The following ZNF215 variants were observed in gnomAD, a reference collection of about 807,000 sequenced individuals.
ZNF215 encodes the protein zinc finger protein 215, also known as BWSCR2-associated zinc finger protein 2.
A neutral mutation model predicts 27.2 loss-of-function variants in ZNF215; 24 were observed. The observed-to-expected ratio is 0.88, with a 90% CI of 0.64 to 1.24. The LOEUF (loss-of-function observed/expected upper bound fraction) is 1.24. Ranked by LOEUF, ZNF215 falls within the 50% of genes most tolerant of loss-of-function variation. ZNF215 has a pLI of 0.00. For synonymous variants in ZNF215, 210 were observed against 204.0 expected, an observed-to-expected ratio of 1.03 and a Z score of -0.25; for missense variants, 675 against 605.7, an observed-to-expected ratio of 1.11 and a Z score of -1.20.
intron 5 of ZNF215, among the ~76,000 whole-genome samples, chr11:6,971,718 A>G (rs1217980887): frequency 6.6e-6 from 1 of 152,158 alleles, no homozygotes; most frequent in Non-Finnish European, 1.5e-5. Flanking sequence ...TTAGGAAGAA[A>G]TATATGGAAT....
At chr11:6,964,329 T>G (rs1466666791) in intron 5 of ZNF215, among the ~76,000 whole-genome samples, 2 of 152,068 alleles carry the variant, frequency 1.3e-5, no homozygotes, top group Non-Finnish European at 2.9e-5. Context: ...TCTCATTGAT[T>G]GTGCTTTCAC....
chr11:6,952,670 G>A (rs1199414585), intron 6 of ZNF215, among the ~76,000 whole-genome samples: 1 of 151,882 alleles, frequency 6.6e-6, no homozygotes, highest in African/African-American at 2.4e-5. Context: ...CACACTGATG[G>A]GTCTTGACTC....
rs546011244 is a variant in ZNF215 at position 6,955,773 on chromosome 11, G to A, written c.796G>A (p.Ala266Thr). 9.6e-5 allele frequency: 155 copies of A among 1,612,324 alleles called. 1 individual carries two copies. In the East Asian group the frequency reaches 2.9e-3, roughly 30 times the overall value. The change falls in exon 7 of 7, where the codon GCC (alanine) becomes ACC (threonine). Residue 266 changes from alanine to threonine, a missense_variant. Ala to Thr is a moderately conservative substitution (Grantham distance 58). Transcript: ENST00000278319. Reference protein sequence around the residue: ...LTESGHPSSDAWKGENWLYRN... With the variant: ...LTESGHPSSDTWKGENWLYRN... Reference sequence around the variant, plus strand: ...CGAAAGTGGACACCCTTCTTCAGATGCCTGGAAAGGTGAGAATTGGTTATA... The same window carrying A: ...CGAAAGTGGACACCCTTCTTCAGATACCTGGAAAGGTGAGAATTGGTTATA...
chr11:6,930,176 C>T (rs1849203567), intron 2 of ZNF215, among the ~76,000 whole-genome samples: 1 of 151,536 alleles, frequency 6.6e-6, no homozygotes, highest in Admixed American at 6.6e-5. Flanking sequence ...TTGCATGAGC[C>T]TCAGTCCTAG....
In ZNF215 at chr11:6,956,389, T is replaced by G. The variant is rs1850356683; in HGVS notation, c.1412T>G (p.Phe471Cys). The change falls in exon 7 of 7, where the codon TTC (phenylalanine) becomes TGC (cysteine). Residue 471 changes from phenylalanine (F) to cysteine (C), a missense_variant. Transcript: ENST00000278319. ...CAATGTGTTAACTGTGGAAAATCCT[T>G]CAACCGGAGCTCCTCTCTTATTCGA... is the stretch of plus-strand genomic sequence containing the variant. ...FYQCVNCGKS[F>C]NRSSSLIRHQ... The G allele has an allele frequency of 6.2e-7, 1 of 1,614,164 alleles. No individual in the cohort carries two copies. The highest frequency in any genetic ancestry group is 1.3e-5 in the African/African-American group (1 of 75,056).
Position 6,957,035 on chromosome 11 carries a change from C to T in ZNF215, c.*504C>T. On this transcript the variant is annotated 3_prime_UTR_variant, in exon 7 of 7. Transcript: ENST00000278319. The stretch of plus-strand genomic sequence containing the variant: ...TCAATGGCTAAGACAACAGTAACAG[C>T]CATTTACTCCACTCCTGACAATACC... The T allele has an allele frequency of 1.0e-6, 1 of 986,574 alleles. No homozygotes were observed. Among genetic ancestry groups the T allele is most frequent in the Non-Finnish European group, 1.2e-6 (1 of 830,752 alleles). 61.1% of individuals were successfully genotyped at this position (986,574 alleles called of 1,614,324 possible).
At chr11:6,942,776 A>AT (rs1331529855) in intron 4 of ZNF215, among the ~76,000 whole-genome samples, 3 of 152,110 alleles carry the variant, frequency 2.0e-5, no homozygotes, top group Admixed American at 6.5e-5. Context: ...AGGCATAGTA[A>AT]TTTTTTGTTC....
At chr11:6,973,976 A>G (rs560775971) in intron 5 of ZNF215, among the ~76,000 whole-genome samples, 6 of 152,238 alleles carry the variant, frequency 3.9e-5, no homozygotes, top group South Asian at 2.1e-4. Context: ...GCCCATTTCT[A>G]TGTACTGAAT....
chr11:6,957,330 T>A lies in ZNF215; in HGVS notation c.*799T>A. 3.7e-6 allele frequency: 1 copy of A among 273,828 alleles called. No homozygotes were observed. Among genetic ancestry groups the A allele is most frequent in the Non-Finnish European group, 5.6e-6 (1 of 179,596 alleles). 17.0% of individuals were successfully genotyped at this position (273,828 alleles called of 1,614,324 possible). A position where few individuals can be genotyped will look rare whatever the true frequency, so the allele number is the denominator to read the frequency against. On this transcript the variant is annotated 3_prime_UTR_variant, in exon 7 of 7. Transcript: ENST00000278319. Reference sequence around the variant, plus strand: ...GCTCCAGTTTCAAACCCCAAAGATGTATACATTAGGTTAATTGACATATCT... The same window carrying A: ...GCTCCAGTTTCAAACCCCAAAGATGAATACATTAGGTTAATTGACATATCT...
At chr11:6,938,965 A>C (rs1159437575) in intron 3 of ZNF215, among the ~76,000 whole-genome samples, 1 of 152,190 alleles carries the variant, frequency 6.6e-6, no homozygotes, top group African/African-American at 2.4e-5. Context: ...CACTAGAGCC[A>C]CGATAGAATG....
intron 3 of ZNF215, among the ~76,000 whole-genome samples, chr11:6,939,042 C>A (rs776973271): frequency 6.6e-6 from 1 of 151,902 alleles, no homozygotes; most frequent in Non-Finnish European, 1.5e-5. Context: ...ATACAAAAAG[C>A]AAGGAAGTAA....
intron 3 of ZNF215, among the ~76,000 whole-genome samples, chr11:6,933,080 G>C (rs1421853795): frequency 6.6e-6 from 1 of 152,190 alleles, no homozygotes; most frequent in Admixed American, 6.5e-5. Context: ...TAAAATATTT[G>C]TTATCTGCCC....
chr11:6,951,846 T>C (rs1564959960), intron 6 of ZNF215, among the ~76,000 whole-genome samples: 1 of 152,186 alleles, frequency 6.6e-6, no homozygotes, highest in Admixed American at 6.5e-5. Flanking sequence ...TTTTGGATCT[T>C]TCCTGCTTTC....
intron 6 of ZNF215, among the ~76,000 whole-genome samples, chr11:6,948,307 G>A (rs1327941106): frequency 6.6e-6 from 1 of 152,184 alleles, no homozygotes; most frequent in African/African-American, 2.4e-5. Context: ...ATTAGGTCCA[G>A]GTTTAGAAGA....
chr11:6,928,935 T>C (rs1456932560), intron 2 of ZNF215, among the ~76,000 whole-genome samples: 2 of 152,100 alleles, frequency 1.3e-5, no homozygotes, highest in Non-Finnish European at 2.9e-5. Context: ...TCTGTTGTAT[T>C]GACGGTGGGC....
downstream of ZNF215, among the ~76,000 whole-genome samples, chr11:6,991,313 G>A (rs1851114250): frequency 6.6e-6 from 1 of 152,156 alleles, no homozygotes; most frequent in Non-Finnish European, 1.5e-5. Flanking sequence ...TTCCCTCCAG[G>A]ATGTCCAGCA....
At chr11:6,976,065 G>A (rs967300577) in intron 5 of ZNF215, among the ~76,000 whole-genome samples, 10 of 152,020 alleles carry the variant, frequency 6.6e-5, no homozygotes, top group Non-Finnish European at 1.5e-5. Context: ...ATATGTCATT[G>A]TAGTTTTGAT....
chr11:6,927,182 T>C (rs1849082976), intron 1 of ZNF215, among the ~76,000 whole-genome samples: 1 of 152,184 alleles, frequency 6.6e-6, no homozygotes, highest in Non-Finnish European at 1.5e-5. Flanking sequence ...ACAATGGAGT[T>C]TTAATTAATT....
In ZNF215 at chr11:6,926,490, G is replaced by A. The variant is rs998531116; in HGVS notation, c.-521G>A. 2.0e-5 allele frequency: 3 copies of A among 152,434 alleles called. No homozygotes were observed. Among genetic ancestry groups the A allele is most frequent in the African/African-American group, 7.2e-5 (3 of 41,472 alleles). The allele number at this position is 152,434 out of a possible 1,614,324, so 9.4% of individuals were successfully genotyped here. ...CGATCCGGGTCGCGGGGGCTCCTAGGGGGTTCCTTCCACAGCTGGTGCGCG... is the reference window on the plus strand; with the variant it reads ...CGATCCGGGTCGCGGGGGCTCCTAGAGGGTTCCTTCCACAGCTGGTGCGCG... On this transcript the variant is annotated 5_prime_UTR_variant, in exon 1 of 7. Coordinates refer to ENST00000278319, the MANE Select transcript of ZNF215 (RefSeq NM_013250.4).
Sources: gnomAD v4.1 joint callset for allele counts (sites outside exome capture counted in the v4.1 genomes callset) on GRCh38, gnomAD v4.1.1 for gene constraint, MANE v1.5 for transcripts, NCBI Gene and HGNC (gene_info 2026-07-23, HGNC 2026-07-21) for gene names.